The following HEMK2 variants were observed in gnomAD, a reference collection of about 807,000 sequenced individuals.
HEMK2 encodes HemK methyltransferase 2, ETF1 glutamine and histone H4 lysine.
At chr21:28,782,967 C>T in the HEMK2 span, among the ~76,000 whole-genome samples, 1 of 152,042 alleles carries the variant, frequency 6.6e-6, no homozygotes, top group Non-Finnish European at 1.5e-5. Flanking sequence ...TTCGCAAGTG[C>T]TGGTAACAGT....
chr21:28,665,515 G>A, the HEMK2 span, among the ~76,000 whole-genome samples: 1 of 150,994 alleles, frequency 6.6e-6, no homozygotes, highest in East Asian at 1.9e-4. Context: ...ACGTTAGTGG[G>A]TGCAGCGCAC....
At chr21:28,837,362 G>C in the HEMK2 span, among the ~76,000 whole-genome samples, 4,019 of 152,162 alleles carry the variant, frequency 0.026, 134 homozygotes, top group East Asian at 0.15. Flanking sequence ...GACAACACTG[G>C]AATAAAACTG....
the HEMK2 span, among the ~76,000 whole-genome samples, chr21:28,585,209 G>A: frequency 6.6e-6 from 1 of 152,066 alleles, no homozygotes. Context: ...GTGCATGCCT[G>A]TAATCCCAGC....
chr21:28,672,187 C>T, the HEMK2 span, among the ~76,000 whole-genome samples: 1 of 152,052 alleles, frequency 6.6e-6, no homozygotes, highest in Non-Finnish European at 1.5e-5. Context: ...GATGTTAAAT[C>T]ATTTGGAACT....
the HEMK2 span, among the ~76,000 whole-genome samples, chr21:28,667,978 A>G: frequency 1.3e-5 from 2 of 152,226 alleles, no homozygotes; most frequent in African/African-American, 4.8e-5. Flanking sequence ...ACAGCAAACG[A>G]GAAAAAACTC....
chr21:28,852,445 G>A, the HEMK2 span, among the ~76,000 whole-genome samples: 4 of 152,140 alleles, frequency 2.6e-5, no homozygotes, highest in South Asian at 2.1e-4. Context: ...ACTGGAGAAC[G>A]ACAATGACAT....
the HEMK2 span, among the ~76,000 whole-genome samples, chr21:28,680,596 C>A: frequency 4.2e-4 from 64 of 151,882 alleles, no homozygotes; most frequent in African/African-American, 1.4e-3. Context: ...GAGACACAAC[C>A]AAAAAAGAGA....
At chr21:28,870,758 T>C in the HEMK2 span, among the ~76,000 whole-genome samples, 1 of 152,222 alleles carries the variant, frequency 6.6e-6, no homozygotes, top group African/African-American at 2.4e-5. Flanking sequence ...TGTAAATGTA[T>C]GGGGACTTTA....
chr21:28,779,792 G>A, the HEMK2 span, among the ~76,000 whole-genome samples: 4 of 152,076 alleles, frequency 2.6e-5, no homozygotes, highest in East Asian at 7.7e-4. Context: ...CAAGATGCAG[G>A]AATTTAACTC....
chr21:28,787,417 T>G, the HEMK2 span, among the ~76,000 whole-genome samples: 1 of 109,570 alleles, frequency 9.1e-6, no homozygotes, highest in African/African-American at 3.7e-5. Flanking sequence ...GTCAGCAGAG[T>G]AAACAGACAA....
the HEMK2 span, among the ~76,000 whole-genome samples, chr21:28,705,335 TTTTC>T: frequency 0.55 from 84,111 of 151,606 alleles, 25,966 homozygotes; most frequent in East Asian, 0.84. Flanking sequence ...ACTACTTTTC[TTTTC>T]TTTATCTACC....
chr21:28,809,884 G>T, the HEMK2 span, among the ~76,000 whole-genome samples: 9 of 152,114 alleles, frequency 5.9e-5, no homozygotes, highest in Admixed American at 2.6e-4. Context: ...AATGCTTCAA[G>T]GAATGAGTAG....
the HEMK2 span, among the ~76,000 whole-genome samples, chr21:28,648,234 T>C: frequency 2.6e-3 from 403 of 152,370 alleles, 1 homozygote; most frequent in African/African-American, 9.0e-3. Flanking sequence ...ACTTTATGTA[T>C]GTAAATACTT....
At chr21:28,701,946 A>G in the HEMK2 span, among the ~76,000 whole-genome samples, 4 of 152,210 alleles carry the variant, frequency 2.6e-5, no homozygotes, top group Admixed American at 2.6e-4. Flanking sequence ...ATAAGTCTAC[A>G]GTAACCAAAA....
At chr21:28,802,835 C>T in the HEMK2 span, among the ~76,000 whole-genome samples, 1,985 of 152,248 alleles carry the variant, frequency 0.013, 51 homozygotes, top group African/African-American at 0.046. Context: ...CTATTCAAAA[C>T]AATTTTAACT....
At chr21:28,827,541 G>A in the HEMK2 span, among the ~76,000 whole-genome samples, 12,767 of 152,170 alleles carry the variant, frequency 0.084, 1,201 homozygotes, top group African/African-American at 0.22. Context: ...TCAGCCCTGC[G>A]TAACAAGCAG....
chr21:28,588,594 A>G, the HEMK2 span, among the ~76,000 whole-genome samples: 963 of 152,354 alleles, frequency 6.3e-3, 14 homozygotes, highest in Middle Eastern at 0.037. Flanking sequence ...GATTGATGAA[A>G]GGTACAAAAG....
chr21:28,619,682 G>A, the HEMK2 span, among the ~76,000 whole-genome samples: 93,818 of 152,012 alleles, frequency 0.62, 31,309 homozygotes, highest in African/African-American at 0.88. Flanking sequence ...CTGCATTTTT[G>A]TTACAAAAGG....
At chr21:28,870,730 G>A in the HEMK2 span, among the ~76,000 whole-genome samples, 33 of 152,130 alleles carry the variant, frequency 2.2e-4, no homozygotes, top group African/African-American at 7.7e-4. Context: ...GAATTGTTTA[G>A]AAGCATGTTT....
Sources: allele counts gnomAD v4.1 joint callset (sites outside exome capture counted in the v4.1 genomes callset), GRCh38; gene constraint gnomAD v4.1.1; transcripts MANE v1.5; gene names NCBI Gene and HGNC (gene_info 2026-07-23, HGNC 2026-07-21).